The following FTCDNL1 variants were observed in gnomAD, a reference collection of about 807,000 sequenced individuals.
FTCDNL1 encodes formiminotransferase cyclodeaminase N-terminal like.
FTCDNL1 carries 11 observed loss-of-function variants against 5.9 expected under a neutral mutation model. The ratio of observed to expected loss-of-function variants is 1.87; its 90% CI spans 1.18 to 3.10. The LOEUF is 3.10. Ranked by LOEUF, FTCDNL1 falls within the 30% of genes most tolerant of loss-of-function variation. The pLI, the probability that FTCDNL1 is intolerant of heterozygous loss-of-function variation, is 0.00. For missense variants in FTCDNL1, 115 were observed against 65.5 expected, an observed-to-expected ratio of 1.76 and a Z score of -2.61; for synonymous variants, 58 against 24.8, an observed-to-expected ratio of 2.34 and a Z score of -3.99.
At chr2:199,783,516 G>GC (rs1248605879) in intron 3 of FTCDNL1, among the ~76,000 whole-genome samples, 1 of 152,142 alleles carries the variant, frequency 6.6e-6, no homozygotes, top group African/African-American at 2.4e-5. Context: ...GCTTCCTAGA[G>GC]CTTAGGTATT....
chr2:199,825,000 T>G (rs891672575), intron 3 of FTCDNL1, among the ~76,000 whole-genome samples: 1 of 151,924 alleles, frequency 6.6e-6, no homozygotes, highest in Non-Finnish European at 1.5e-5. Flanking sequence ...TAGCCTGGCA[T>G]GGTGGCATAC....
chr2:199,728,784 T>C, the FTCDNL1 span, among the ~76,000 whole-genome samples: 1 of 152,186 alleles, frequency 6.6e-6, no homozygotes, highest in Non-Finnish European at 1.5e-5. Context: ...GTCATTTGCT[T>C]CCTTAAAAGA....
chr2:199,804,803 C>A (rs1700639705), downstream of FTCDNL1, among the ~76,000 whole-genome samples: 1 of 152,076 alleles, frequency 6.6e-6, no homozygotes, highest in Non-Finnish European at 1.5e-5. Context: ...AGTCTGAACC[C>A]AATCAGGAAA....
chr2:199,701,364 T>G, the FTCDNL1 span, among the ~76,000 whole-genome samples: 5 of 139,938 alleles, frequency 3.6e-5, no homozygotes, highest in Admixed American at 1.5e-4. Flanking sequence ...CACCGCATGC[T>G]GGCAAGGTTG....
At chr2:199,831,010 A>G (rs1048206209) in intron 3 of FTCDNL1, among the ~76,000 whole-genome samples, 3 of 152,204 alleles carry the variant, frequency 2.0e-5, no homozygotes, top group African/African-American at 7.2e-5. Flanking sequence ...GGGAAGAAAC[A>G]AAACTCTACT....
At chr2:199,750,375 AT>A in the FTCDNL1 span, among the ~76,000 whole-genome samples, 5 of 151,964 alleles carry the variant, frequency 3.3e-5, no homozygotes, top group Non-Finnish European at 7.4e-5. Context: ...AAATAAATAA[AT>A]AAATAAATAA....
the FTCDNL1 span, among the ~76,000 whole-genome samples, chr2:199,754,845 A>T: frequency 6.6e-6 from 1 of 152,192 alleles, no homozygotes; most frequent in Non-Finnish European, 1.5e-5. Context: ...AAAAAGTAAA[A>T]CACACACATA....
At chr2:199,708,235 T>A in the FTCDNL1 span, among the ~76,000 whole-genome samples, 1 of 152,232 alleles carries the variant, frequency 6.6e-6, no homozygotes, top group East Asian at 1.9e-4. Context: ...ATTTTTCATT[T>A]CAGATATTGT....
At chr2:199,732,896 CTAATAA>C in the FTCDNL1 span, among the ~76,000 whole-genome samples, 2 of 152,154 alleles carry the variant, frequency 1.3e-5, no homozygotes, top group African/African-American at 4.8e-5. Flanking sequence ...TATTCCATCA[CTAATAA>C]TAATTCTTTT....
chr2:199,721,973 A>G, the FTCDNL1 span, among the ~76,000 whole-genome samples: 3 of 151,832 alleles, frequency 2.0e-5, no homozygotes, highest in Non-Finnish European at 2.9e-5. Flanking sequence ...TAATGGAGTC[A>G]TTTGTCTTTT....
intron 3 of FTCDNL1, among the ~76,000 whole-genome samples, chr2:199,836,847 T>A (rs540678282): frequency 4.1e-4 from 62 of 152,216 alleles, no homozygotes; most frequent in African/African-American, 1.4e-3. Context: ...TGGGACTCAA[T>A]CCTGCTGAGA....
intron 3 of FTCDNL1, chr2:199,844,543 A>C: frequency 1.9e-6 from 1 of 521,110 alleles, no homozygotes; most frequent in South Asian, 2.5e-5. Flanking sequence ...CTAAAAATGC[A>C]AAATTGTGAA....
the FTCDNL1 span, among the ~76,000 whole-genome samples, chr2:199,669,971 T>C: frequency 6.6e-6 from 1 of 152,332 alleles, no homozygotes; most frequent in South Asian, 2.1e-4. Context: ...AGTTTTTTCC[T>C]AGTTTTGAGA....
intron 3 of FTCDNL1, among the ~76,000 whole-genome samples, chr2:199,795,169 G>A (rs891970398): frequency 6.6e-5 from 10 of 152,146 alleles, no homozygotes; most frequent in South Asian, 2.1e-4. Context: ...TCAATAAGTG[G>A]TAGCTGATAA....
intron 3 of FTCDNL1, among the ~76,000 whole-genome samples, chr2:199,838,712 T>A (rs1466753715): frequency 1.3e-5 from 2 of 151,646 alleles, no homozygotes; most frequent in Non-Finnish European, 2.9e-5. Flanking sequence ...TCAGAGCCCA[T>A]CCCTGATCCA....
chr2:199,696,764 A>G, the FTCDNL1 span, among the ~76,000 whole-genome samples: 1 of 152,174 alleles, frequency 6.6e-6, no homozygotes, highest in African/African-American at 2.4e-5. Context: ...TTCCCTCCAA[A>G]TGACTGCACT....
chr2:199,701,391 C>T, the FTCDNL1 span, among the ~76,000 whole-genome samples: 4 of 141,644 alleles, frequency 2.8e-5, no homozygotes, highest in African/African-American at 1.1e-4. Context: ...AAATGGAATG[C>T]TTATAAACTG....
chr2:199,702,310 A>G, the FTCDNL1 span, among the ~76,000 whole-genome samples: 2 of 152,142 alleles, frequency 1.3e-5, no homozygotes, highest in Non-Finnish European at 2.9e-5. Context: ...AACAATAATA[A>G]TATTTCCACC....
chr2:199,729,498 G>A, the FTCDNL1 span, among the ~76,000 whole-genome samples: 5 of 152,144 alleles, frequency 3.3e-5, no homozygotes, highest in Non-Finnish European at 7.4e-5. Flanking sequence ...AGCAACTTCA[G>A]CAAAGTCTCA....
Sources: gnomAD v4.1 joint callset for allele counts (sites outside exome capture counted in the v4.1 genomes callset) on GRCh38, gnomAD v4.1.1 for gene constraint, MANE v1.5 for transcripts, NCBI Gene and HGNC (gene_info 2026-07-23, HGNC 2026-07-21) for gene names.